Variants in DMTN observed in about 807,000 individuals in gnomAD.
DMTN encodes dematin actin binding protein.
Under a neutral mutation model 59.4 loss-of-function variants are expected in DMTN, and 27 were observed. The ratio of observed to expected loss-of-function variants is 0.45; its 90% confidence interval spans 0.33 to 0.63. The LOEUF (loss-of-function observed/expected upper bound fraction) is 0.63. Ranked by LOEUF, DMTN falls within the 20% of genes least tolerant of loss-of-function variation. DMTN has a pLI of 0.02. For synonymous variants in DMTN, 221 were observed against 203.7 expected (o/e 1.08, Z -0.72); for missense variants, 451 against 528.9 (o/e 0.85, Z 1.45).
chr8:22,064,335 A>C (rs1363223325), intron 1 of DMTN, among the ~76,000 whole-genome samples: 1 of 152,276 alleles, frequency 6.6e-6, no homozygotes, highest in Non-Finnish European at 1.5e-5. Flanking sequence ...TATGTACCAG[A>C]ATTTATTCTT....
upstream of DMTN, among the ~76,000 whole-genome samples, chr8:22,050,362 A>G (rs1801219484): frequency 6.6e-6 from 1 of 152,110 alleles, no homozygotes; most frequent in Non-Finnish European, 1.5e-5. Context: ...AATCCCTCTG[A>G]TTTCCGCAGG....
chr8:22,068,842 G>A (rs1422452004), intron 4 of DMTN, among the ~76,000 whole-genome samples, 174 bp from the exon 5 acceptor site: 1 of 152,188 alleles, frequency 6.6e-6, no homozygotes, highest in Non-Finnish European at 1.5e-5. Context: ...CTGTGGGAAG[G>A]CTGAGGACTT....
chr8:22,077,015 G>C (rs915583470), intron 10 of DMTN, among the ~76,000 whole-genome samples: 1 of 151,644 alleles, frequency 6.6e-6, no homozygotes, highest in Admixed American at 6.6e-5. Context: ...CCTTTGTAGT[G>C]ATGCTCATCT....
chr8:22,080,727 T>TGAA, intron 13 of DMTN, 78 bp from the exon 14 acceptor site: 10 of 1,584,050 alleles, frequency 6.3e-6, no homozygotes. Context: ...AGTTGCCTGG[T>TGAA]GAAGAAGAAG....
intron 1 of DMTN, among the ~76,000 whole-genome samples, chr8:22,065,848 TTTTTTTTA>T (rs1421579089): frequency 7.2e-6 from 1 of 139,150 alleles, no homozygotes. Flanking sequence ...TTTTTTTTTT[TTTTTTTTA>T]ACGAGGCAGG....
In DMTN at chr8:22,058,907, C is replaced by T. The variant is rs1312556957; in HGVS notation, c.-172+1771C>T. On this transcript the variant is annotated intron_variant, in intron 1 of 15. Coordinates refer to ENST00000358242, the MANE Select transcript of DMTN (RefSeq NM_001387751.1). The surrounding 1 kb of genome is among the most constrained non-coding windows in gnomAD (Gnocchi z 4.3). Reference sequence around the variant, plus strand: ...AGAGCAGGCCTCAGCCTCCTGGTGTCCTTTTCCAGTGGCGGGGGGGTGCGG... The same window carrying T: ...AGAGCAGGCCTCAGCCTCCTGGTGTTCTTTTCCAGTGGCGGGGGGGTGCGG... Among the ~76,000 whole-genome samples the T allele has an allele frequency of 1.3e-5, 2 of 152,208 alleles. No individual in the cohort carries two copies. Among genetic ancestry groups the T allele is most frequent in the Non-Finnish European group, 1.5e-5 (1 of 68,028 alleles).
chr8:22,069,149 A>G lies in DMTN; in HGVS notation c.294+89A>G, dbSNP rs1284790473. 4 of 1,480,816 alleles carry G rather than the reference A, an allele frequency of 2.7e-6. No homozygotes were observed. The African/African-American group carries it at 5.6e-5, about 21-fold the overall frequency. The allele number at this position is 1,480,816 out of a possible 1,614,324, so 91.7% of individuals were successfully genotyped here. ...CCTCACACATCAGACCAAGCTCTGC[A>G]GAGCCCAGGGAGTGCCCGAATCAGC... On this transcript the variant is annotated intron_variant, in intron 5 of 15. Transcript: ENST00000358242.
Position 22,070,199 on chromosome 8 carries a change from C to G in DMTN, c.469C>G (p.Pro157Ala). ...YKQRESVGGS[P>A]QTKHLIEDLI... ...GTCTGCAGAGTCCGTGGGAGGCAGC[C>G]CTCAGACCAAGCACCTCATCGAGGA... The change falls in exon 8 of 16, where the codon CCT becomes GCT. Residue 157 changes from proline (P) to alanine (A), a missense_variant. Physicochemically the swap from Pro to Ala is conservative, Grantham distance 27. Transcript: ENST00000358242. 1 of 1,599,030 alleles carries G rather than the reference C, an allele frequency of 6.3e-7. No homozygotes were observed. The highest frequency in any genetic ancestry group is 8.5e-7 in the Non-Finnish European group (1 of 1,171,506).
At chr8:22,068,653 G>A (rs897765952) in intron 4 of DMTN, among the ~76,000 whole-genome samples, 10 of 151,298 alleles carry the variant, frequency 6.6e-5, no homozygotes, top group African/African-American at 2.2e-4. Context: ...AGGGAAGGAA[G>A]GGAGGAAGGC....
Position 22,066,796 on chromosome 8 carries a change from C to T in DMTN, c.-80C>T. The T allele has an allele frequency of 7.2e-7, 1 of 1,394,172 alleles. No individual in the cohort carries two copies. The highest frequency in any genetic ancestry group is 9.4e-7 in the Non-Finnish European group (1 of 1,067,828). 86.4% of individuals were successfully genotyped at this position (1,394,172 alleles called of 1,614,324 possible). On this transcript the variant is annotated 5_prime_UTR_variant, in exon 2 of 16. Transcript: ENST00000358242. ...GCCCCAAGCGCGCAGCGCCCAGCAG[C>T]CGCGCCGAGCCTGACACGCTGTCCT... is the stretch of plus-strand genomic sequence containing the variant.
At chr8:22,079,522 G>T (rs1350571483) in intron 10 of DMTN, among the ~76,000 whole-genome samples, 1 of 151,942 alleles carries the variant, frequency 6.6e-6, no homozygotes, top group Non-Finnish European at 1.5e-5. Context: ...TGTAGCTCCA[G>T]TACTTGGGAG....
chr8:22,079,277 A>ATCT (rs1238511445), intron 10 of DMTN, among the ~76,000 whole-genome samples: 1 of 27,682 alleles, frequency 3.6e-5, no homozygotes, highest in Non-Finnish European at 6.8e-5. Context: ...TAAATAAATA[A>ATCT]ATATATATAT....
upstream of DMTN, among the ~76,000 whole-genome samples, chr8:22,052,300 G>A (rs941986710): frequency 1.3e-5 from 2 of 152,216 alleles, no homozygotes; most frequent in South Asian, 4.1e-4. Flanking sequence ...CCCCGACAGT[G>A]CCCAGCACAG....
rs3063991 is a variant in DMTN at position 22,060,413 on chromosome 8, G to GCTCTCT, written c.-172+3291_-172+3296dup. ...CTCTCTCTTTCTCTCTTTCTGTCTC[G>GCTCTCT]CTCTCTCTCTCTCTCTCTCCCCCTC... On this transcript the variant is annotated intron_variant, in intron 1 of 15. Coordinates refer to ENST00000358242, the MANE Select transcript of DMTN (RefSeq NM_001387751.1). The surrounding 1 kb of genome is among the most constrained non-coding windows in gnomAD (Gnocchi z 5.0). Among the ~76,000 whole-genome samples, 4,433 of 147,532 alleles carry GCTCTCT rather than the reference G, an allele frequency of 0.03. 78 individuals carry two copies. The highest frequency in any genetic ancestry group is 0.034 in the Middle Eastern group (10 of 290).
At chr8:22,063,884 T>C (rs917079413) in intron 1 of DMTN, among the ~76,000 whole-genome samples, 2 of 152,270 alleles carry the variant, frequency 1.3e-5, no homozygotes, top group Non-Finnish European at 2.9e-5. Flanking sequence ...GCCTTATTTC[T>C]GGAGGAGCAG....
intron 14 of DMTN, 81 bp downstream of exon 14, chr8:22,080,951 C>T: frequency 6.6e-7 from 1 of 1,508,458 alleles, no homozygotes. Context: ...GCTGCGGGGT[C>T]TTCCTGGTGT....
At chr8:22,075,492 G>A (rs1404333031) in intron 10 of DMTN, among the ~76,000 whole-genome samples, 1 of 147,948 alleles carries the variant, frequency 6.8e-6, no homozygotes, top group Non-Finnish European at 1.5e-5. Context: ...GGGATTACAG[G>A]TGCATGCCAC....
intron 5 of DMTN, 47 bp from the exon 6 acceptor site, chr8:22,069,372 G>A: frequency 6.5e-7 from 1 of 1,530,018 alleles, no homozygotes; most frequent in Non-Finnish European, 9.0e-7. Context: ...GCATGTGTGG[G>A]TTGGAGGGGG....
intron 10 of DMTN, among the ~76,000 whole-genome samples, chr8:22,079,302 T>TATATATGTATATATATA (rs1491109949): frequency 1.5e-3 from 24 of 15,514 alleles, no homozygotes; most frequent in Non-Finnish European, 3.5e-3. Context: ...ATATATATAT[T>TATATATGTATATATATA]AGCTGGGTTT....
Sources: allele counts gnomAD v4.1 joint callset (sites outside exome capture counted in the v4.1 genomes callset), GRCh38; gene constraint gnomAD v4.1.1; non-coding constraint Gnocchi (gnomAD v3.1); transcripts MANE v1.5; gene names NCBI Gene and HGNC (gene_info 2026-07-23, HGNC 2026-07-21).